The following RFX3 variants were observed in gnomAD, a reference collection of about 807,000 sequenced individuals.
RFX3 encodes regulatory factor X3, also known as transcription factor RFX3.
A neutral mutation model predicts 98.6 loss-of-function variants in RFX3; 14 were observed. The ratio of observed to expected loss-of-function variants is 0.14; its 90% CI spans 0.09 to 0.22. The LOEUF is 0.22. RFX3 is among the 10% of genes least tolerant of loss of function. RFX3 has a pLI of 1.00. For synonymous variants in RFX3, 383 were observed against 328.4 expected (o/e 1.17, Z -1.80); for missense variants, 639 against 926.9 (o/e 0.69, Z 4.03).
chr9:3,466,858 C>T (rs1187466800), intron 1 of RFX3, among the ~76,000 whole-genome samples: 2 of 151,502 alleles, frequency 1.3e-5, no homozygotes, highest in African/African-American at 4.9e-5. Context: ...TTACTACCAT[C>T]CTTGGATCTT....
intron 1 of RFX3, among the ~76,000 whole-genome samples, chr9:3,466,582 G>C (rs745668641): frequency 6.6e-6 from 1 of 152,050 alleles, no homozygotes; most frequent in Admixed American, 6.6e-5. Flanking sequence ...TAATAATCTA[G>C]GAATTGGTGG....
chr9:3,353,247 A>G (rs1238942352), intron 2 of RFX3, among the ~76,000 whole-genome samples: 1 of 151,748 alleles, frequency 6.6e-6, no homozygotes, highest in Non-Finnish European at 1.5e-5. Flanking sequence ...ACCTAATGCT[A>G]AATGACGAGT....
chr9:3,378,530 CTTCT>C (rs1838798520), intron 2 of RFX3, among the ~76,000 whole-genome samples: 2 of 148,180 alleles, frequency 1.3e-5, no homozygotes, highest in Admixed American at 1.3e-4. Context: ...AATTCTAACA[CTTCT>C]TTCTCATATT....
chr9:3,229,060 T>C (rs1032825914), intron 15 of RFX3, among the ~76,000 whole-genome samples, 171 bp from the exon 16 acceptor site: 3 of 152,228 alleles, frequency 2.0e-5, no homozygotes, highest in African/African-American at 7.2e-5. Flanking sequence ...CTTGTCAAAT[T>C]TGAACAGTTT....
intron 1 of RFX3, among the ~76,000 whole-genome samples, chr9:3,489,639 T>G (rs2133482195): frequency 6.6e-6 from 1 of 152,320 alleles, no homozygotes; most frequent in Admixed American, 6.5e-5. Flanking sequence ...GATATAGGCT[T>G]AATGTTTAGT....
At chr9:3,453,350 T>G (rs930126048) in intron 1 of RFX3, among the ~76,000 whole-genome samples, 2 of 151,974 alleles carry the variant, frequency 1.3e-5, no homozygotes, top group African/African-American at 4.8e-5. Context: ...CAGTATTTCT[T>G]CTGCATAGAA....
intron 13 of RFX3, among the ~76,000 whole-genome samples, chr9:3,257,739 G>A (rs1822320232): frequency 6.6e-6 from 1 of 152,206 alleles, no homozygotes; most frequent in African/African-American, 2.4e-5. Flanking sequence ...GCTGCTGTGA[G>A]TTATATGGAT....
chr9:3,445,682 G>A (rs1845984050), intron 1 of RFX3, among the ~76,000 whole-genome samples: 1 of 151,972 alleles, frequency 6.6e-6, no homozygotes, highest in Non-Finnish European at 1.5e-5. Flanking sequence ...TGGCTTTCGT[G>A]CCTTATAATT....
At position 3,227,826 on chromosome 9, in the gene RFX3, G is replaced by C. The variant is rs113918500; in HGVS notation, c.2011+1021C>G. Among the ~76,000 whole-genome samples, 1,157 of 152,056 alleles carry C rather than the reference G, an allele frequency of 7.6e-3. 4 individuals are homozygous for C. Among genetic ancestry groups the C allele is most frequent in the Non-Finnish European group, 0.01 (682 of 67,966 alleles). Reference sequence around the variant, plus strand: ...TATATTTGTAGCAACAATTTTTTTGGCTATAATTTTCTCATTTCCCTGCGC... The same window carrying C: ...TATATTTGTAGCAACAATTTTTTTGCCTATAATTTTCTCATTTCCCTGCGC... On this transcript the variant is annotated intron_variant, in intron 16 of 16. Coordinates refer to ENST00000617270, the MANE Select transcript of RFX3 (RefSeq NM_001282116.2).
chr9:3,270,263 A>G, intron 11 of RFX3, 108 bp downstream of exon 11: 4 of 1,185,744 alleles, frequency 3.4e-6, no homozygotes, highest in Non-Finnish European at 3.5e-6. Flanking sequence ...CTATCTGGCA[A>G]ATCTAAATGA....
chr9:3,463,322 T>A (rs941311540), intron 1 of RFX3, among the ~76,000 whole-genome samples: 1 of 152,146 alleles, frequency 6.6e-6, no homozygotes, highest in African/African-American at 2.4e-5. Flanking sequence ...CACATACCCA[T>A]CTGGAAAGAT....
chr9:3,225,285 A>G lies in RFX3; in HGVS notation c.2012-5T>C, dbSNP rs1257165711. ...TTTCTACTTCACTGCCTTCATCTGC[A>G]CAAACAAATAATACCAAGACTATCA... On this transcript the variant is annotated splice_region_variant and splice_polypyrimidine_tract_variant and intron_variant, in intron 16 of 16. Coordinates refer to ENST00000617270, the MANE Select transcript of RFX3 (RefSeq NM_001282116.2). The G allele has an allele frequency of 6.2e-7, 1 of 1,612,884 alleles. No individual in the cohort carries two copies. Among genetic ancestry groups the G allele is most frequent in the East Asian group, 2.2e-5 (1 of 44,832 alleles).
intron 7 of RFX3, among the ~76,000 whole-genome samples, chr9:3,287,746 G>T (rs1278788913): frequency 2.0e-5 from 3 of 151,952 alleles, no homozygotes; most frequent in Non-Finnish European, 2.9e-5. Flanking sequence ...CAAACATTCT[G>T]CAAGAATTCA....
intron 1 of RFX3, among the ~76,000 whole-genome samples, chr9:3,410,187 G>GTGTGTC (rs1401303749): frequency 1.3e-5 from 2 of 151,022 alleles, no homozygotes; most frequent in African/African-American, 4.9e-5. Flanking sequence ...GTGTGTGTGT[G>GTGTGTC]TGTGTGTGTG....
chr9:3,242,095 T>C (rs575290768), intron 15 of RFX3, among the ~76,000 whole-genome samples: 2 of 152,310 alleles, frequency 1.3e-5, no homozygotes, highest in East Asian at 3.9e-4. Context: ...CCCATCCCAT[T>C]TGACTATTTG....
intron 16 of RFX3, among the ~76,000 whole-genome samples, chr9:3,225,922 ATACTGT>A (rs1291497753): frequency 6.6e-6 from 1 of 152,164 alleles, no homozygotes; most frequent in African/African-American, 2.4e-5. Flanking sequence ...TTGGCAACTG[ATACTGT>A]TAATAGCTGG....
intron 1 of RFX3, among the ~76,000 whole-genome samples, chr9:3,476,818 G>C (rs950301164): frequency 2.6e-5 from 4 of 152,100 alleles, no homozygotes; most frequent in African/African-American, 9.7e-5. Context: ...TAAAGCACCG[G>C]ATATTAAGGT....
intron 8 of RFX3, among the ~76,000 whole-genome samples, chr9:3,276,248 A>G (rs1319808138): frequency 6.6e-6 from 1 of 152,112 alleles, no homozygotes; most frequent in Non-Finnish European, 1.5e-5. Flanking sequence ...TTCTATGTAC[A>G]AATGACTGTG....
chr9:3,524,027 C>G (rs982403073), intron 1 of RFX3, among the ~76,000 whole-genome samples: 29 of 152,136 alleles, frequency 1.9e-4, no homozygotes, highest in Admixed American at 2.0e-4. Flanking sequence ...ATAATTAGTA[C>G]TGTCACATTA....
Sources: gnomAD v4.1 joint callset for allele counts (sites outside exome capture counted in the v4.1 genomes callset) on GRCh38, gnomAD v4.1.1 for gene constraint, MANE v1.5 for transcripts, NCBI Gene and HGNC (gene_info 2026-07-23, HGNC 2026-07-21) for gene names.